NR6A1: variants seen among roughly 807,000 people sequenced by gnomAD.
NR6A1 encodes the protein nuclear receptor subfamily 6 group A member 1, also known as retinoic acid receptor-related testis-associated receptor.
In NR6A1, 7 loss-of-function variants were observed where a neutral mutation model predicts 59.1. The ratio of observed to expected loss-of-function variants is 0.12; its 90% confidence interval spans 0.07 to 0.22. The LOEUF (loss-of-function observed/expected upper bound fraction) is 0.22, where lower values mean the gene tolerates loss of function less well. Among genes scored for constraint, NR6A1 ranks in the 10% least tolerant of loss-of-function variants. The pLI is 1.00. For missense variants in NR6A1, 468 were observed against 611.6 expected (o/e 0.77, Z 2.48); for synonymous variants, 243 against 236.1 (o/e 1.03, Z -0.27).
At chr9:124,671,508 G>A (rs989788592) in intron 2 of NR6A1, among the ~76,000 whole-genome samples, 12 of 152,006 alleles carry the variant, frequency 7.9e-5, no homozygotes, top group African/African-American at 1.7e-4. Context: ...AAAGGAACAC[G>A]CTTAAAATAT....
chr9:124,643,770 A>C lies in NR6A1; in HGVS notation c.143-89200T>G, dbSNP rs573412196. On this transcript the variant is annotated intron_variant, in intron 2 of 9. Transcript: ENST00000487099. Reference sequence around the variant, plus strand: ...CCCATCTCAAAAAAACAAAAAAAAAAAAAAAGAGAGAGAGAGAGAAAGGGT... The same window carrying C: ...CCCATCTCAAAAAAACAAAAAAAAACAAAAAGAGAGAGAGAGAGAAAGGGT... 6.0e-4 allele frequency among the ~76,000 whole-genome samples: 90 copies of C among 150,648 alleles called. 1 individual carries two copies. The South Asian group carries it at 0.018, about 30-fold the overall frequency.
At chr9:124,575,491 T>C (rs1834562513) in intron 2 of NR6A1, among the ~76,000 whole-genome samples, 1 of 152,058 alleles carries the variant, frequency 6.6e-6, no homozygotes, top group South Asian at 2.1e-4. Context: ...GGAGAATCGT[T>C]TGAACCCAGG....
chr9:124,737,407 T>C (rs984145283), intron 1 of NR6A1, among the ~76,000 whole-genome samples: 1 of 152,192 alleles, frequency 6.6e-6, no homozygotes, highest in African/African-American at 2.4e-5. Context: ...CTAGCTACTA[T>C]TGTCAAGCAG....
intron 3 of NR6A1, among the ~76,000 whole-genome samples, chr9:124,550,432 A>C (rs906225197): frequency 3.1e-5 from 4 of 128,348 alleles, no homozygotes; most frequent in Non-Finnish European, 6.2e-5. Context: ...CAATGGCATG[A>C]TCTTGGCTTA....
In NR6A1 at chr9:124,677,770, C is replaced by G. The variant is rs575904596; in HGVS notation, c.142+55538G>C. On this transcript the variant is annotated intron_variant, in intron 2 of 9. Transcript: ENST00000487099. ...ATCTCAGATAGTATTCCTTTCACCA[C>G]TAATAATCAAATCCAGCCTTTACTT... Among the ~76,000 whole-genome samples, 89 of 152,242 alleles carry G rather than the reference C, an allele frequency of 5.8e-4. 1 individual carries two copies. In the South Asian group the frequency reaches 0.018, roughly 31 times the overall value.
chr9:124,674,455 C>T (rs959437106), intron 2 of NR6A1, among the ~76,000 whole-genome samples: 6 of 152,108 alleles, frequency 3.9e-5, no homozygotes, highest in Non-Finnish European at 8.8e-5. Context: ...CTGTGTCTTT[C>T]TATTTTCATC....
At chr9:124,687,291 ATTATTTAT>A (rs142524533) in intron 2 of NR6A1, among the ~76,000 whole-genome samples, 1 of 142,172 alleles carries the variant, frequency 7.0e-6, no homozygotes. Context: ...CAGCTAATTA[ATTATTTAT>A]TTATTTATTT....
At chr9:124,594,697 GCATGTAAGGTGCTGGGGTACAA>G (rs1281186087) in intron 2 of NR6A1, among the ~76,000 whole-genome samples, 1 of 152,058 alleles carries the variant, frequency 6.6e-6, no homozygotes, top group Non-Finnish European at 1.5e-5. Flanking sequence ...AATAATTCTG[GCATGTAAGGTGCTGGGGTACAA>G]CATATAAGGG....
At chr9:124,763,729 T>C (rs1840845501) in intron 1 of NR6A1, among the ~76,000 whole-genome samples, 1 of 152,192 alleles carries the variant, frequency 6.6e-6, no homozygotes, top group Admixed American at 6.5e-5. Flanking sequence ...ACAGAAAGAC[T>C]AAATTAGATA....
intron 2 of NR6A1, among the ~76,000 whole-genome samples, chr9:124,668,003 G>T (rs1322541694): frequency 6.6e-6 from 1 of 152,066 alleles, no homozygotes. Flanking sequence ...ATCACAAGGG[G>T]TTAGGGGGAC....
Position 124,771,120 on chromosome 9 carries a change from G to A in NR6A1, c.-1C>T. ...TAGGCGGCGGTTCGTCCCGCTCCAT[G>A]CGGTGGTGCCTAGGGTCCGCGCCGG... On this transcript the variant is annotated 5_prime_UTR_variant, in exon 1 of 10. Transcript: ENST00000487099. 1 of 1,227,808 alleles carries A rather than the reference G, an allele frequency of 8.1e-7. No individual in the cohort carries two copies. Among genetic ancestry groups the A allele is most frequent in the Non-Finnish European group, 1.0e-6 (1 of 984,242 alleles). The allele number at this position is 1,227,808 out of a possible 1,614,324, so 76.1% of individuals were successfully genotyped here.
At chr9:124,704,745 G>A (rs1164477761) in intron 2 of NR6A1, among the ~76,000 whole-genome samples, 1 of 151,682 alleles carries the variant, frequency 6.6e-6, no homozygotes, top group Non-Finnish European at 1.5e-5. Context: ...AAAAATTTTT[G>A]TGTGTGGGGG....
intron 1 of NR6A1, among the ~76,000 whole-genome samples, chr9:124,759,034 C>T (rs1840714649): frequency 6.6e-6 from 1 of 152,144 alleles, no homozygotes. Context: ...TCCTGGGCCT[C>T]ATAACTCCTC....
At chr9:124,552,238 G>A (rs1039285940) in intron 3 of NR6A1, among the ~76,000 whole-genome samples, 2 of 152,176 alleles carry the variant, frequency 1.3e-5, no homozygotes, top group African/African-American at 4.8e-5. Context: ...TGAGAGAAGT[G>A]GAGGCCAAAA....
intron 2 of NR6A1, among the ~76,000 whole-genome samples, chr9:124,714,073 G>A (rs952532984): frequency 3.3e-5 from 5 of 152,100 alleles, no homozygotes; most frequent in Admixed American, 2.6e-4. Context: ...AAAAATGAAG[G>A]AAATTCTAAC....
chr9:124,619,467 T>C (rs1429467997), intron 2 of NR6A1, among the ~76,000 whole-genome samples: 5 of 152,104 alleles, frequency 3.3e-5, no homozygotes, highest in Admixed American at 3.3e-4. Context: ...TTCACCACGT[T>C]TCCCAGGCTG....
chr9:124,610,557 TTTTC>T (rs1835708823), intron 2 of NR6A1, among the ~76,000 whole-genome samples: 1 of 152,104 alleles, frequency 6.6e-6, no homozygotes. Context: ...TGGCCTGAAG[TTTTC>T]TTTTTTTGTT....
At chr9:124,598,489 G>A (rs1303366427) in intron 2 of NR6A1, among the ~76,000 whole-genome samples, 1 of 151,828 alleles carries the variant, frequency 6.6e-6, no homozygotes, top group East Asian at 1.9e-4. Context: ...GAAAAAAGTA[G>A]ATAAACAAAA....
intron 2 of NR6A1, among the ~76,000 whole-genome samples, chr9:124,641,430 T>C (rs1836765366): frequency 6.7e-6 from 1 of 149,072 alleles, no homozygotes; most frequent in South Asian, 2.1e-4. Context: ...AGGCCAGGAA[T>C]GGTGGATCAT....
Sources: allele counts gnomAD v4.1 joint callset (sites outside exome capture counted in the v4.1 genomes callset), GRCh38; gene constraint gnomAD v4.1.1; transcripts MANE v1.5; gene names NCBI Gene and HGNC (gene_info 2026-07-23, HGNC 2026-07-21).